GPHN: variants seen among roughly 807,000 people sequenced by gnomAD.
GPHN encodes the protein gephyrin.
In GPHN, 17 loss-of-function variants were observed where a neutral mutation model predicts 95.5. That is an observed-to-expected ratio of 0.18 (90% CI 0.12 to 0.27). The LOEUF (loss-of-function observed/expected upper bound fraction) is 0.27, where lower values mean the gene tolerates loss of function less well. Ranked by LOEUF, GPHN falls within the 10% of genes least tolerant of loss-of-function variation. GPHN has a pLI of 1.00. For missense variants in GPHN, 660 were observed against 978.1 expected, an observed-to-expected ratio of 0.67 and a Z score of 4.34; for synonymous variants, 320 against 322.5, an observed-to-expected ratio of 0.99 and a Z score of 0.08.
At chr14:67,064,299 G>C (rs1330827966) in intron 11 of GPHN, among the ~76,000 whole-genome samples, 4 of 152,154 alleles carry the variant, frequency 2.6e-5, no homozygotes, top group Admixed American at 2.0e-4. Flanking sequence ...GATCGTGGTG[G>C]ATAAGCTTTT....
At chr14:66,834,157 T>A (rs1199171601) in intron 4 of GPHN, among the ~76,000 whole-genome samples, 1 of 152,178 alleles carries the variant, frequency 6.6e-6, no homozygotes, top group Non-Finnish European at 1.5e-5. Context: ...GGTTAATTCC[T>A]CCTCTGCATG....
chr14:66,515,200 T>C (rs748589135), intron 1 of GPHN, among the ~76,000 whole-genome samples: 4 of 152,200 alleles, frequency 2.6e-5, no homozygotes, highest in South Asian at 4.1e-4. Flanking sequence ...TCTTGAGATA[T>C]ATGGTTATGT....
At chr14:66,992,661 T>C (rs1390823825) in intron 9 of GPHN, among the ~76,000 whole-genome samples, 10 of 152,112 alleles carry the variant, frequency 6.6e-5, no homozygotes. Flanking sequence ...CTATTGTCTT[T>C]AGGGGGGTTT....
the GPHN span, among the ~76,000 whole-genome samples, chr14:67,440,518 G>A: frequency 1.4e-3 from 214 of 152,198 alleles, 2 homozygotes; most frequent in Non-Finnish European, 2.4e-3. Flanking sequence ...CCCGGCACCC[G>A]AGGTGGCCAG....
chr14:67,644,576 C>G, the GPHN span, among the ~76,000 whole-genome samples: 1 of 152,184 alleles, frequency 6.6e-6, no homozygotes, highest in Non-Finnish European at 1.5e-5. Context: ...ATGTCAAATT[C>G]CTTGGTTACT....
At chr14:67,431,209 A>G in the GPHN span, among the ~76,000 whole-genome samples, 1 of 152,198 alleles carries the variant, frequency 6.6e-6, no homozygotes, top group Non-Finnish European at 1.5e-5. Flanking sequence ...CCTGACCAAC[A>G]TAGTGAAACC....
the GPHN span, among the ~76,000 whole-genome samples, chr14:67,599,694 A>G: frequency 2.0e-5 from 3 of 152,180 alleles, no homozygotes; most frequent in Non-Finnish European, 2.9e-5. Flanking sequence ...CTTGGAATTA[A>G]ATTACTGCGC....
At chr14:66,525,316 A>G (rs1260552204) in intron 1 of GPHN, among the ~76,000 whole-genome samples, 1 of 152,098 alleles carries the variant, frequency 6.6e-6, no homozygotes, top group Non-Finnish European at 1.5e-5. Context: ...GTCTGTTCAT[A>G]TCCTTCACCC....
At chr14:67,695,682 G>A in the GPHN span, 1 of 1,614,204 alleles carries the variant, frequency 6.2e-7, no homozygotes, top group African/African-American at 1.3e-5. Flanking sequence ...AGGAGCAACA[G>A]CGGGAACATG....
intron 17 of GPHN, among the ~76,000 whole-genome samples, chr14:67,140,627 G>T (rs1307553148): frequency 6.6e-6 from 1 of 152,116 alleles, no homozygotes; most frequent in African/African-American, 2.4e-5. Flanking sequence ...TTTGTTGATA[G>T]TATTCATTAC....
At chr14:67,703,694 G>A in the GPHN span, among the ~76,000 whole-genome samples, 1 of 151,902 alleles carries the variant, frequency 6.6e-6, no homozygotes, top group African/African-American at 2.4e-5. Flanking sequence ...TTATTTTTCC[G>A]AGACAGAGTT....
At chr14:67,434,226 T>A in the GPHN span, among the ~76,000 whole-genome samples, 1 of 152,228 alleles carries the variant, frequency 6.6e-6, no homozygotes, top group African/African-American at 2.4e-5. Context: ...TTTCAGTGAA[T>A]TTTATAATGT....
At chr14:67,545,473 TAG>T in the GPHN span, among the ~76,000 whole-genome samples, 1 of 151,754 alleles carries the variant, frequency 6.6e-6, no homozygotes, top group Admixed American at 6.6e-5. Flanking sequence ...CTCAAATCAG[TAG>T]AGAGAGGAAA....
the GPHN span, among the ~76,000 whole-genome samples, chr14:67,242,849 T>G: frequency 3.3e-5 from 5 of 152,208 alleles, no homozygotes; most frequent in Non-Finnish European, 5.9e-5. Flanking sequence ...CTTGACAAAT[T>G]AAGGTGGATT....
chr14:66,624,128 G>A (rs1160568613), intron 1 of GPHN, among the ~76,000 whole-genome samples: 1 of 152,120 alleles, frequency 6.6e-6, no homozygotes. Flanking sequence ...ATTGTAAGCT[G>A]TCACATACCA....
At chr14:67,082,769 C>G (rs2076742532) in intron 11 of GPHN, among the ~76,000 whole-genome samples, 1 of 152,114 alleles carries the variant, frequency 6.6e-6, no homozygotes, top group African/African-American at 2.4e-5. Context: ...TTACTTGTCT[C>G]TGTTACTTCT....
the GPHN span, among the ~76,000 whole-genome samples, chr14:67,460,428 G>A: frequency 6.6e-6 from 1 of 152,208 alleles, no homozygotes; most frequent in African/African-American, 2.4e-5. Flanking sequence ...TTATCTGCCA[G>A]GCGCAGTGGC....
At chr14:67,444,574 T>TAG in the GPHN span, among the ~76,000 whole-genome samples, 1 of 152,152 alleles carries the variant, frequency 6.6e-6, no homozygotes, top group Admixed American at 6.5e-5. Context: ...TTGTTATTCA[T>TAG]AATAAGGCCC....
At chr14:67,022,416 T>G (rs1470033079) in intron 9 of GPHN, among the ~76,000 whole-genome samples, 1 of 151,876 alleles carries the variant, frequency 6.6e-6, no homozygotes, top group African/African-American at 2.4e-5. Flanking sequence ...TGTACTTAAA[T>G]AAGACTTCTG....
Sources: gnomAD v4.1 joint callset for allele counts (sites outside exome capture counted in the v4.1 genomes callset) on GRCh38, gnomAD v4.1.1 for gene constraint, MANE v1.5 for transcripts, NCBI Gene and HGNC (gene_info 2026-07-23, HGNC 2026-07-21) for gene names.